Variants in CDC42EP1 observed in about 807,000 individuals in gnomAD.
CDC42EP1 encodes the protein 55 kDa bone marrow stromal/endothelial cell protein.
CDC42EP1 carries 6 observed loss-of-function variants against 7.4 expected under a neutral mutation model. That is an observed-to-expected ratio of 0.81 (90% confidence interval 0.44 to 1.60). The LOEUF is 1.60. CDC42EP1 is among the 40% of genes most tolerant of loss of function. CDC42EP1 has a pLI of 0.01. For synonymous variants in CDC42EP1, 238 were observed against 227.1 expected (o/e 1.05, Z -0.43); for missense variants, 567 against 539.0 (o/e 1.05, Z -0.51).
chr22:37,562,939 C>A (rs904311049), intron 1 of CDC42EP1, among the ~76,000 whole-genome samples: 7 of 151,988 alleles, frequency 4.6e-5, no homozygotes, highest in Non-Finnish European at 7.4e-5. Flanking sequence ...GAGACCCTGT[C>A]CTTACAAAAA....
chr22:37,561,890 TC>T (rs1479507345), intron 1 of CDC42EP1, among the ~76,000 whole-genome samples: 1 of 152,176 alleles, frequency 6.6e-6, no homozygotes. Context: ...CACATGTGCC[TC>T]CACAGCGACC....
chr22:37,568,898 G>T lies in CDC42EP1; in HGVS notation c.*78G>T. 9.9e-7 allele frequency: 1 copy of T among 1,006,164 alleles called. No individual in the cohort carries two copies. Among genetic ancestry groups the T allele is most frequent in the Non-Finnish European group, 1.4e-6 (1 of 733,084 alleles). 62.3% of individuals were successfully genotyped at this position (1,006,164 alleles called of 1,614,324 possible). ...CCTAACAGCTGGTTCCTACCAGACC[G>T]GAGAGGGGAGAAGTCATGTTGCCCC... On this transcript the variant is annotated 3_prime_UTR_variant, in exon 3 of 3. Transcript: ENST00000249014.
At position 37,566,356 on chromosome 22, in the gene CDC42EP1, G is replaced by A. The variant is rs186346005; in HGVS notation, c.7G>A (p.Gly3Ser). The A allele has an allele frequency of 3.7e-4, 497 of 1,326,336 alleles. 1 individual carries two copies. Among genetic ancestry groups the A allele is most frequent in the Non-Finnish European group, 4.4e-4 (443 of 1,010,912 alleles). The allele number at this position is 1,326,336 out of a possible 1,614,324, so 82.2% of individuals were successfully genotyped here. Reference sequence around the variant, plus strand: ...CTGTGAGCAGCCAGAGCTGATGCCCGGCCCCCAGGGGGGCAGAGGCGCCGC... The same window carrying A: ...CTGTGAGCAGCCAGAGCTGATGCCCAGCCCCCAGGGGGGCAGAGGCGCCGC... MPGPQGGRGAATM... is the reference protein window; with the variant it reads MPSPQGGRGAATM... Residue 3 changes from glycine (G) to serine (S), a missense_variant, in exon 2 of 3, where the codon GGC (glycine) becomes AGC (serine). Transcript: ENST00000249014. The surrounding 1 kb of genome is among the most constrained non-coding windows in gnomAD (Gnocchi z 6.4).
At position 37,566,657 on chromosome 22, in the gene CDC42EP1, C is replaced by T. The variant is rs1601837882; in HGVS notation, c.308C>T (p.Pro103Leu). Residue 103 changes from proline (P) to leucine (L), a missense_variant, in exon 2 of 3, where the codon CCT (proline) becomes CTT (leucine). Pro to Leu is a moderately conservative substitution (Grantham distance 98, BLOSUM62 -3). Transcript: ENST00000249014. The surrounding 1 kb of genome is among the most constrained non-coding windows in gnomAD (Gnocchi z 6.4). Reference protein sequence around the residue: ...GAPPRRMASPPAPSPAPPAIS... With the variant: ...GAPPRRMASPLAPSPAPPAIS... ...CCCCCCCGGAGGATGGCATCTCCCC[C>T]TGCACCCTCCCCGGCTCCACCGGCC... The T allele has an allele frequency of 6.2e-7, 1 of 1,604,740 alleles. No homozygotes were observed. Among genetic ancestry groups the T allele is most frequent in the South Asian group, 1.1e-5 (1 of 89,676 alleles).
chr22:37,568,054 T>C (rs1426205679), intron 2 of CDC42EP1, 54 bp from the exon 3 acceptor site: 1 of 1,501,020 alleles, frequency 6.7e-7, no homozygotes, highest in Non-Finnish European at 9.1e-7. Flanking sequence ...TCTCCCCTCC[T>C]GAATTCCTGG....
Position 37,568,439 on chromosome 22 carries a change from C to T in CDC42EP1, c.795C>T (p.Thr265=), listed in dbSNP as rs1225018346. ...PAANPSAPAA[T]PTGPAANPPA... Reference sequence around the variant, plus strand: ...CAAACCCCTCAGCACCTGCCGCAACCCCCACGGGTCCTGCTGCAAATCCCC... The same window carrying T: ...CAAACCCCTCAGCACCTGCCGCAACTCCCACGGGTCCTGCTGCAAATCCCC... The change falls in exon 3 of 3, where the codon ACC becomes ACT. Residue 265 remains threonine, a synonymous_variant. Coordinates refer to ENST00000249014, the MANE Select transcript of CDC42EP1 (RefSeq NM_152243.3). 6.3e-7 allele frequency: 1 copy of T among 1,576,510 alleles called. No homozygotes were observed. Among genetic ancestry groups the T allele is most frequent in the Non-Finnish European group, 8.7e-7 (1 of 1,154,414 alleles).
At chr22:37,561,699 G>A (rs547744526) in intron 1 of CDC42EP1, among the ~76,000 whole-genome samples, 2 of 51,230 alleles carry the variant, frequency 3.9e-5, no homozygotes. Context: ...GTCCAGCGGT[G>A]GGGGGGGGCG....
In CDC42EP1 at chr22:37,566,798, G is replaced by T; in HGVS notation, c.449G>T (p.Gly150Val). The T allele has an allele frequency of 8.9e-6, 14 of 1,565,074 alleles. No individual in the cohort carries two copies. Among genetic ancestry groups the T allele is most frequent in the Non-Finnish European group, 1.2e-5 (14 of 1,156,702 alleles). The change falls in exon 2 of 3, where the codon GGC becomes GTC. Residue 150 changes from glycine to valine, a missense_variant. Physicochemically the swap from Gly to Val is moderately radical, Grantham distance 109 (BLOSUM62 -3). Transcript: ENST00000249014. This position sits in a 1 kb window ranked among gnomAD's most constrained non-coding sequence, Gnocchi z 6.4. ...FDSSPTSSTD[G>V]HSSYGLDSGF... ...AGCAGCCCCACCAGCTCCACGGACG[G>T]CCACTCCAGCTACGGTGAGGGCCTG...
rs778048974 is a variant in CDC42EP1, at chr22:37,568,513, T to A, written c.869T>A (p.Val290Glu). Residue 290 changes from valine (V) to glutamate (E), a missense_variant, in exon 3 of 3, where the codon GTA becomes GAA. Coordinates refer to ENST00000249014, the MANE Select transcript of CDC42EP1 (RefSeq NM_152243.3). ...CCCCATGGACACTGTCCCAATGGGG[T>A]AACAGCTGGGTTGGGCCCAGTGGCT... The part of the protein sequence containing the change: ...STPHGHCPNG[V>E]TAGLGPVAEV... The A allele has an allele frequency of 6.2e-7, 1 of 1,609,298 alleles. No homozygotes were observed. The highest frequency in any genetic ancestry group is 8.5e-7 in the Non-Finnish European group (1 of 1,177,970).
chr22:37,568,526 G>A lies in CDC42EP1; in HGVS notation c.882G>A (p.Leu294=), dbSNP rs1326800055. The A allele has an allele frequency of 1.2e-6, 2 of 1,609,774 alleles. No individual in the cohort carries two copies. Among genetic ancestry groups the A allele is most frequent in the South Asian group, 1.1e-5 (1 of 90,346 alleles). Residue 294 remains leucine (L), a synonymous_variant, in exon 3 of 3, where the codon TTG becomes TTA. Transcript: ENST00000249014. The part of the protein sequence containing the change: ...GHCPNGVTAG[L]GPVAEVKSSP... ...GTCCCAATGGGGTAACAGCTGGGTT[G>A]GGCCCAGTGGCTGAGGTGAAGTCCA...
chr22:37,563,115 A>G (rs1488151633), intron 1 of CDC42EP1, among the ~76,000 whole-genome samples: 1 of 138,778 alleles, frequency 7.2e-6, no homozygotes, highest in Non-Finnish European at 1.5e-5. Flanking sequence ...CTCAAAAAAG[A>G]AAAAAAAAAA....
At chr22:37,560,649 G>A (rs1956678044) in intron 1 of CDC42EP1, 61 bp downstream of exon 1, 1 of 150,736 alleles carries the variant, frequency 6.6e-6, no homozygotes, top group Non-Finnish European at 1.5e-5. Flanking sequence ...GGGTCCCGGC[G>A]CCCGCGGGGA....
intron 1 of CDC42EP1, among the ~76,000 whole-genome samples, chr22:37,560,898 C>T (rs1021316585): frequency 1.3e-5 from 2 of 151,754 alleles, no homozygotes; most frequent in Non-Finnish European, 2.9e-5. Flanking sequence ...GCTGTCTCCG[C>T]GCCTTCCTGC....
rs370815357 is a variant in CDC42EP1 at position 37,566,472 on chromosome 22, A to T, written c.123A>T (p.Pro41=). ...TGACTGCAGACATGATCAGCCACCCACTCGGGGACTTCCGCCACACCATGC... is the reference window on the plus strand; with the variant it reads ...TGACTGCAGACATGATCAGCCACCCTCTCGGGGACTTCCGCCACACCATGC... ...RRLTADMISH[P]LGDFRHTMHV... The change falls in exon 2 of 3, where the codon CCA becomes CCT. Residue 41 remains proline (P), a synonymous_variant. Coordinates refer to ENST00000249014, the MANE Select transcript of CDC42EP1 (RefSeq NM_152243.3). The surrounding 1 kb of genome is among the most constrained non-coding windows in gnomAD (Gnocchi z 6.4). 1.2e-6 allele frequency: 2 copies of T among 1,612,862 alleles called. No individual in the cohort carries two copies. Among genetic ancestry groups the T allele is most frequent in the African/African-American group, 1.3e-5 (1 of 74,850 alleles).
chr22:37,560,710 G>C (rs1427867513), intron 1 of CDC42EP1, 122 bp downstream of exon 1: 8 of 151,270 alleles, frequency 5.3e-5, no homozygotes. Context: ...GGACCCGCCC[G>C]GGAGAGGCGC....
At chr22:37,564,253 T>TG (rs1054152484) in intron 1 of CDC42EP1, among the ~76,000 whole-genome samples, 2 of 150,002 alleles carry the variant, frequency 1.3e-5, no homozygotes, top group Non-Finnish European at 3.0e-5. Flanking sequence ...TGTGTGTGTA[T>TG]GGTGGGGGTG....
Position 37,569,217 on chromosome 22 carries a change from C to G in CDC42EP1, c.*397C>G, listed in dbSNP as rs1236755855. On this transcript the variant is annotated 3_prime_UTR_variant, in exon 3 of 3. Transcript: ENST00000249014. ...ACCTCCCAAAGGGACCGCCTGCCCCCAGCTCATCCCAGAGCGTCCCTGCTG... is the reference window on the plus strand; with the variant it reads ...ACCTCCCAAAGGGACCGCCTGCCCCGAGCTCATCCCAGAGCGTCCCTGCTG... The G allele has an allele frequency of 6.2e-6, 1 of 161,566 alleles. No homozygotes were observed. Among genetic ancestry groups the G allele is most frequent in the Non-Finnish European group, 1.3e-5 (1 of 74,716 alleles). 10.0% of individuals were successfully genotyped at this position (161,566 alleles called of 1,614,324 possible).
At chr22:37,562,795 G>A (rs1448253221) in intron 1 of CDC42EP1, among the ~76,000 whole-genome samples, 2 of 152,168 alleles carry the variant, frequency 1.3e-5, no homozygotes, top group Admixed American at 1.3e-4. Flanking sequence ...CTTTTGCTGG[G>A]AGATGAGGTG....
At chr22:37,562,305 A>G (rs2235337) in intron 1 of CDC42EP1, among the ~76,000 whole-genome samples, 50,558 of 152,064 alleles carry the variant, frequency 0.33, 8,760 homozygotes, top group African/African-American at 0.43. Flanking sequence ...GGTGTTCCTG[A>G]GCAGGTGAGG....
Sources: allele counts gnomAD v4.1 joint callset (sites outside exome capture counted in the v4.1 genomes callset), GRCh38; gene constraint gnomAD v4.1.1; non-coding constraint Gnocchi (gnomAD v3.1); transcripts MANE v1.5; gene names NCBI Gene and HGNC (gene_info 2026-07-23, HGNC 2026-07-21).